Variants in FRMPD4 observed in about 807,000 individuals in gnomAD.
The protein encoded by FRMPD4 is FERM and PDZ domain-containing protein 4.
FRMPD4 carries 22 observed loss-of-function variants against 94.1 expected under a neutral mutation model. The observed-to-expected ratio is 0.23, with a 90% CI of 0.17 to 0.33. The LOEUF (loss-of-function observed/expected upper bound fraction) is 0.33, where lower values mean the gene tolerates loss of function less well. Among genes scored for constraint, FRMPD4 ranks in the 10% least tolerant of loss-of-function variants. The pLI is 1.00. For missense variants in FRMPD4, 1,111 were observed against 1,339.9 expected (o/e 0.83, Z 2.67); for synonymous variants, 631 against 548.6 (o/e 1.15, Z -2.10).
At chrX:12,038,448 GT>G (rs1293506614) in intron 3 of FRMPD4, among the ~76,000 whole-genome samples, 2 of 112,027 alleles carry the variant, frequency 1.8e-5, no homozygotes, top group East Asian at 2.8e-4. Flanking sequence ...TCTTTAGAAT[GT>G]TTTTTTGGAA....
chrX:12,112,806 A>G (rs1452018979), intron 3 of FRMPD4, among the ~76,000 whole-genome samples: 1 of 110,979 alleles, frequency 9.0e-6, no homozygotes, highest in Admixed American at 9.6e-5. Context: ...TTCTAGTAGT[A>G]ACACCCATCT....
At chrX:12,510,334 A>C (rs2058030352) in intron 2 of FRMPD4, among the ~76,000 whole-genome samples, 1 of 112,438 alleles carries the variant, frequency 8.9e-6, no homozygotes, top group South Asian at 3.7e-4. Flanking sequence ...ATGTATCAAT[A>C]TTGGTTCATA....
intron 2 of FRMPD4, among the ~76,000 whole-genome samples, chrX:12,561,809 C>T (rs921224291): frequency 8.0e-5 from 9 of 112,440 alleles, no homozygotes; most frequent in Non-Finnish European, 1.5e-4. Context: ...CTGACTCAAA[C>T]TGGCTTAAGC....
rs767906078 is a variant in FRMPD4 at position 12,287,129 on chromosome X, T to A, written c.41+148117T>A. On this transcript the variant is annotated intron_variant, in intron 1 of 16. Coordinates refer to ENST00000675598, the MANE Select transcript of FRMPD4 (RefSeq NM_001368397.1). The stretch of plus-strand genomic sequence containing the variant: ...CACTATCTAGATGTTAGGAATGCAT[T>A]GATGAACAAGGCAAGACCAAATGTT... 2.7e-5 allele frequency among the ~76,000 whole-genome samples: 3 copies of A among 112,524 alleles called. No individual in the cohort carries two copies. The East Asian group carries it at 8.4e-4, about 31-fold the overall frequency.
intron 3 of FRMPD4, among the ~76,000 whole-genome samples, chrX:11,990,133 A>G (rs1273387179): frequency 8.9e-6 from 1 of 112,704 alleles, no homozygotes; most frequent in Non-Finnish European, 1.9e-5. Context: ...GCTGTAAAAA[A>G]GAATGAATTC....
intron 1 of FRMPD4, among the ~76,000 whole-genome samples, chrX:12,148,152 A>C (rs2055796286): frequency 8.9e-6 from 1 of 112,338 alleles, no homozygotes; most frequent in Non-Finnish European, 1.9e-5. Flanking sequence ...AGAAATAATT[A>C]AGTTTGGTAC....
At chrX:11,964,359 A>G (rs977109472) in intron 3 of FRMPD4, among the ~76,000 whole-genome samples, 1 of 110,627 alleles carries the variant, frequency 9.0e-6, no homozygotes, top group East Asian at 2.9e-4. Context: ...ACAGGGTTTC[A>G]CCGTGTTAGC....
At chrX:12,131,178 C>T (rs1182337672) in intron 3 of FRMPD4, among the ~76,000 whole-genome samples, 1 of 111,875 alleles carries the variant, frequency 8.9e-6, no homozygotes, top group African/African-American at 3.3e-5. Flanking sequence ...GGGGAAGGCC[C>T]ATATAGCAAA....
At chrX:12,470,560 C>A (rs1450612945) in intron 1 of FRMPD4, among the ~76,000 whole-genome samples, 1 of 112,103 alleles carries the variant, frequency 8.9e-6, no homozygotes, top group African/African-American at 3.2e-5. Context: ...GTCTTTGTGG[C>A]TAGGCTCACA....
chrX:12,293,185 G>A (rs1169115449), intron 1 of FRMPD4, among the ~76,000 whole-genome samples: 2 of 112,005 alleles, frequency 1.8e-5, no homozygotes, highest in Non-Finnish European at 3.8e-5. Flanking sequence ...TGTGGAAAGC[G>A]AGGCTGGGTG....
intron 2 of FRMPD4, among the ~76,000 whole-genome samples, chrX:12,521,919 A>G (rs1226868486): frequency 1.8e-5 from 2 of 110,362 alleles, no homozygotes; most frequent in Non-Finnish European, 3.8e-5. Flanking sequence ...TAAAAAAAAA[A>G]AACTGGCTTG....
chrX:12,573,598 C>A (rs932469756), intron 2 of FRMPD4, among the ~76,000 whole-genome samples: 9 of 112,304 alleles, frequency 8.0e-5, no homozygotes, highest in Non-Finnish European at 1.7e-4. Flanking sequence ...AGTACATATT[C>A]TCTTGCGTTT....
intron 3 of FRMPD4, among the ~76,000 whole-genome samples, chrX:11,991,087 A>G (rs2054461058): frequency 1.8e-5 from 2 of 111,865 alleles, no homozygotes; most frequent in South Asian, 7.5e-4. Flanking sequence ...AATCATTCTT[A>G]TGAGGAGAGT....
intron 5 of FRMPD4, among the ~76,000 whole-genome samples, chrX:12,676,259 A>G (rs2059898399): frequency 8.9e-6 from 1 of 112,282 alleles, no homozygotes; most frequent in African/African-American, 3.2e-5. Context: ...GATTCCTTCC[A>G]TGTGCTTCTA....
rs568374398 is a variant in FRMPD4 at position 12,007,661 on chromosome X, T to C, written c.95+129643T>C. Reference sequence around the variant, plus strand: ...ATCCACACACTGTTGCCTTCCTTCCTCCAGAGCCCAGTGATTAGCTAGGTA... The same window carrying C: ...ATCCACACACTGTTGCCTTCCTTCCCCCAGAGCCCAGTGATTAGCTAGGTA... On this transcript the variant is annotated intron_variant, in intron 3 of 18. Coordinates refer to the FRMPD4 transcript ENST00000640291. 1.5e-3 allele frequency among the ~76,000 whole-genome samples: 167 copies of C among 111,821 alleles called. 1 individual carries two copies. The highest frequency in any genetic ancestry group is 5.2e-3 in the African/African-American group (161 of 30,832).
At chrX:12,110,370 C>T (rs1348927327) in intron 3 of FRMPD4, among the ~76,000 whole-genome samples, 2 of 112,179 alleles carry the variant, frequency 1.8e-5, no homozygotes. Flanking sequence ...AATTCAACAG[C>T]TCTTCAGGCT....
intron 1 of FRMPD4, among the ~76,000 whole-genome samples, chrX:12,155,581 C>CAAAAAAAA (rs60727413): frequency 9.1e-5 from 2 of 21,912 alleles, no homozygotes; most frequent in Non-Finnish European, 1.9e-4. Context: ...CATATCCTCA[C>CAAAAAAAA]AAAAAAAAAA....
At chrX:11,887,611 TC>T in intron 3 of FRMPD4, among the ~76,000 whole-genome samples, 1 of 112,609 alleles carries the variant, frequency 8.9e-6, no homozygotes, top group Non-Finnish European at 1.9e-5. Flanking sequence ...AATTCTTTTT[TC>T]ATCTGTGACA....
At position 11,935,072 on chromosome X, in the gene FRMPD4, ATTTTT is replaced by A. The variant is rs753999126; in HGVS notation, c.95+57073_95+57077del. Among the ~76,000 whole-genome samples the A allele has an allele frequency of 5.0e-5, 2 of 40,240 alleles. 1 individual carries two copies. The highest frequency in any genetic ancestry group is 8.9e-5 in the Non-Finnish European group (2 of 22,536). The allele number at this position is 40,240 out of a possible 115,157, so 34.9% of individuals were successfully genotyped here. ...GGATTTCTAGCAGCAACTATTGGTG[ATTTTT>A]TTTTTTTTTTTTTTTTTTAAATTTA... On this transcript the variant is annotated intron_variant, in intron 3 of 18. Transcript: ENST00000640291.
Sources: gnomAD v4.1 joint callset for allele counts (sites outside exome capture counted in the v4.1 genomes callset) on GRCh38, gnomAD v4.1.1 for gene constraint, MANE v1.5 for transcripts, NCBI Gene and HGNC (gene_info 2026-07-23, HGNC 2026-07-21) for gene names.